EXOC4: variants seen among roughly 807,000 people sequenced by gnomAD.
The protein encoded by EXOC4 is SEC8-like 1.
A neutral mutation model predicts 107.2 loss-of-function variants in EXOC4; 71 were observed. The ratio of observed to expected loss-of-function variants is 0.66; its 90% CI spans 0.55 to 0.81. The LOEUF is 0.81. EXOC4 is among the 30% of genes least tolerant of loss of function. The pLI is 0.00. For missense variants in EXOC4, 1,108 were observed against 1,189.6 expected (o/e 0.93, Z 1.01); for synonymous variants, 456 against 441.2 (o/e 1.03, Z -0.42).
intron 7 of EXOC4, among the ~76,000 whole-genome samples, chr7:133,445,656 C>T (rs750889759): frequency 1.4e-5 from 2 of 148,006 alleles, no homozygotes; most frequent in Non-Finnish European, 3.0e-5. Flanking sequence ...ATAAATCAAC[C>T]TCTCCTGGTA....
chr7:134,040,275 G>A (rs552915982), intron 17 of EXOC4, among the ~76,000 whole-genome samples: 1 of 152,300 alleles, frequency 6.6e-6, no homozygotes, highest in South Asian at 2.1e-4. Flanking sequence ...ATTTGTCAGA[G>A]TTAAAGAAAA....
intron 17 of EXOC4, among the ~76,000 whole-genome samples, chr7:134,012,115 A>G (rs552890962): frequency 1.2e-3 from 177 of 152,338 alleles, no homozygotes; most frequent in Non-Finnish European, 2.1e-3. Flanking sequence ...AGATCTGGAA[A>G]GTCATTGTAA....
intron 14 of EXOC4, among the ~76,000 whole-genome samples, chr7:133,975,436 G>A (rs960616502): frequency 1.3e-5 from 2 of 151,964 alleles, no homozygotes; most frequent in African/African-American, 4.8e-5. Context: ...CTGACCAAAA[G>A]GAAGAATTCA....
intron 9 of EXOC4, among the ~76,000 whole-genome samples, chr7:133,525,974 T>C (rs1261201463): frequency 6.6e-6 from 1 of 152,192 alleles, no homozygotes; most frequent in African/African-American, 2.4e-5. Context: ...TTCTGATTAC[T>C]ATTTCTCCTG....
At chr7:133,793,861 A>AAAAT (rs111468350) in intron 10 of EXOC4, among the ~76,000 whole-genome samples, 150,064 of 152,088 alleles carry the variant, frequency 0.99, 74,075 homozygotes, top group Middle Eastern at 1. Flanking sequence ...AAAATAAATA[A>AAAAT]AAATAAATAA....
At chr7:133,672,146 C>CT (rs1198717999) in intron 10 of EXOC4, among the ~76,000 whole-genome samples, 2 of 152,044 alleles carry the variant, frequency 1.3e-5, no homozygotes, top group Admixed American at 1.3e-4. Flanking sequence ...AATCCCAGCA[C>CT]TTTGGGAGGC....
chr7:133,575,566 C>A (rs997130017), intron 9 of EXOC4, among the ~76,000 whole-genome samples: 3 of 152,118 alleles, frequency 2.0e-5, no homozygotes, highest in Non-Finnish European at 4.4e-5. Flanking sequence ...TGGGACAATT[C>A]TAGAGAGGAG....
At chr7:134,076,897 C>A in the EXOC4 span, among the ~76,000 whole-genome samples, 1 of 152,058 alleles carries the variant, frequency 6.6e-6, no homozygotes, top group Non-Finnish European at 1.5e-5. Context: ...AAGCAATATT[C>A]ATTCAGTAAC....
intron 12 of EXOC4, among the ~76,000 whole-genome samples, chr7:133,914,307 CAG>C (rs1799758322): frequency 6.6e-6 from 1 of 152,130 alleles, no homozygotes; most frequent in South Asian, 2.1e-4. Context: ...AAGCCAGAAA[CAG>C]ACAAATGTGG....
At chr7:133,572,820 A>T (rs530480951) in intron 9 of EXOC4, among the ~76,000 whole-genome samples, 7 of 152,232 alleles carry the variant, frequency 4.6e-5, no homozygotes, top group African/African-American at 1.7e-4. Context: ...AATATGGTCT[A>T]TAGTGATTTA....
intron 9 of EXOC4, among the ~76,000 whole-genome samples, chr7:133,503,661 A>G (rs1278846842): frequency 1.3e-5 from 2 of 152,188 alleles, no homozygotes; most frequent in Admixed American, 6.5e-5. Context: ...TGATGATTAC[A>G]TGCTTTTCGG....
At chr7:133,885,312 CAAAA>C (rs1325296000) in intron 11 of EXOC4, among the ~76,000 whole-genome samples, 1 of 90,142 alleles carries the variant, frequency 1.1e-5, no homozygotes. Context: ...GACCCCGTCT[CAAAA>C]AAAAAAAAAA....
At chr7:133,935,511 G>A (rs1563063179) in intron 13 of EXOC4, among the ~76,000 whole-genome samples, 1 of 152,150 alleles carries the variant, frequency 6.6e-6, no homozygotes. Context: ...TGAAAATTCT[G>A]ATGAAAGTCT....
At chr7:133,619,439 CT>C (rs1408495429) in intron 9 of EXOC4, among the ~76,000 whole-genome samples, 2 of 152,152 alleles carry the variant, frequency 1.3e-5, no homozygotes, top group African/African-American at 2.4e-5. Flanking sequence ...GGCCTAAGCT[CT>C]TTTGTGGACC....
intron 9 of EXOC4, among the ~76,000 whole-genome samples, chr7:133,524,583 T>G (rs1412680889): frequency 6.7e-6 from 1 of 149,182 alleles, no homozygotes; most frequent in South Asian, 2.2e-4. Flanking sequence ...GGTCTAACAT[T>G]TAAGTCTTTA....
intron 10 of EXOC4, among the ~76,000 whole-genome samples, chr7:133,672,460 A>G (rs951751073): frequency 6.6e-6 from 1 of 152,086 alleles, no homozygotes; most frequent in East Asian, 1.9e-4. Context: ...ATCTTAATTA[A>G]CGTTTAAATA....
At chr7:133,676,128 A>G (rs1033747834) in intron 10 of EXOC4, among the ~76,000 whole-genome samples, 23 of 152,012 alleles carry the variant, frequency 1.5e-4, no homozygotes, top group African/African-American at 5.3e-4. Flanking sequence ...TCATTCATTC[A>G]TTCAAAAAAT....
intron 10 of EXOC4, among the ~76,000 whole-genome samples, chr7:133,711,946 G>A (rs1440046620): frequency 2.0e-5 from 3 of 151,982 alleles, no homozygotes; most frequent in African/African-American, 7.3e-5. Context: ...TCCCCACATT[G>A]CCTAAATTTG....
chr7:133,661,140 G>A (rs531973421), intron 10 of EXOC4, among the ~76,000 whole-genome samples: 9 of 152,212 alleles, frequency 5.9e-5, no homozygotes, highest in Non-Finnish European at 1.0e-4. Flanking sequence ...TGACAGGGTA[G>A]CATCACACCT....
Sources: gnomAD v4.1 joint callset for allele counts (sites outside exome capture counted in the v4.1 genomes callset) on GRCh38, gnomAD v4.1.1 for gene constraint, MANE v1.5 for transcripts, NCBI Gene and HGNC (gene_info 2026-07-23, HGNC 2026-07-21) for gene names.